The following NEK9 variants were observed in gnomAD, a reference collection of about 807,000 sequenced individuals.
NEK9 encodes NIMA related kinase 9.
In NEK9, 75 loss-of-function variants were observed where a neutral mutation model predicts 123.4. The observed-to-expected ratio is 0.61, with a 90% CI of 0.50 to 0.74. The LOEUF is 0.74. Among genes scored for constraint, NEK9 ranks in the 30% least tolerant of loss-of-function variants. The pLI is 0.00. For synonymous variants in NEK9, 438 were observed against 458.7 expected (o/e 0.95, Z 0.58); for missense variants, 952 against 1,214.4 (o/e 0.78, Z 3.21).
chr14:75,112,423 G>A (rs1894986995), intron 8 of NEK9, among the ~76,000 whole-genome samples: 1 of 152,160 alleles, frequency 6.6e-6, no homozygotes, highest in African/African-American at 2.4e-5. Flanking sequence ...ATAATCTCAG[G>A]AAATAACCTC....
At position 75,097,216 on chromosome 14, in the gene NEK9, G is replaced by C. The variant is rs761386364; in HGVS notation, c.2057C>G (p.Pro686Arg). The C allele has an allele frequency of 6.2e-6, 10 of 1,611,908 alleles. No individual in the cohort carries two copies. The change falls in exon 17 of 22, where the codon CCC becomes CGC. Residue 686 changes from proline to arginine, a missense_variant. Physicochemically the swap from Pro to Arg is moderately radical, Grantham distance 103. Coordinates refer to ENST00000238616, the MANE Select transcript of NEK9 (RefSeq NM_033116.6). ...ATCAGAGCCATGTGGTCTCTCTGTGGGGGTCATTGCCAGGCGGCCATTACC... is the reference window on the plus strand; with the variant it reads ...ATCAGAGCCATGTGGTCTCTCTGTGCGGGTCATTGCCAGGCGGCCATTACC... ...NGGNGRLAMT[P>R]TERPHGSDIC...
At chr14:75,103,312 A>G (rs936504550) in intron 14 of NEK9, among the ~76,000 whole-genome samples, 1 of 152,242 alleles carries the variant, frequency 6.6e-6, no homozygotes, top group Non-Finnish European at 1.5e-5. Flanking sequence ...GGAGAAATCT[A>G]AAAAACTCCA....
At chr14:75,123,023 A>G (rs911887694) in intron 2 of NEK9, among the ~76,000 whole-genome samples, 1 of 151,828 alleles carries the variant, frequency 6.6e-6, no homozygotes, top group Non-Finnish European at 1.5e-5. Context: ...TCAAACTCCT[A>G]TGCTCAAGTG....
At chr14:75,102,513 G>GTT (rs35499335) in intron 14 of NEK9, among the ~76,000 whole-genome samples, 76 of 146,150 alleles carry the variant, frequency 5.2e-4, no homozygotes, top group South Asian at 1.5e-3. Context: ...ACACCTGGCT[G>GTT]TTTTTTTTTT....
At chr14:75,091,134 T>C (rs1894201244) in intron 19 of NEK9, 136 bp downstream of exon 19, 2 of 629,562 alleles carry the variant, frequency 3.2e-6, no homozygotes, top group Non-Finnish European at 5.1e-6. Flanking sequence ...TCTTTCCAGG[T>C]AGAAATCAGA....
chr14:75,107,181 A>G (rs1481033660), intron 11 of NEK9, among the ~76,000 whole-genome samples, 162 bp downstream of exon 11: 1 of 151,968 alleles, frequency 6.6e-6, no homozygotes, highest in African/African-American at 2.4e-5. Context: ...CCCTAATACT[A>G]TAGCAAATTT....
intron 5 of NEK9, among the ~76,000 whole-genome samples, chr14:75,117,790 A>G (rs1895190561): frequency 2.0e-5 from 3 of 152,262 alleles, no homozygotes; most frequent in Admixed American, 1.3e-4. Context: ...CATCTGTTAT[A>G]CTAACACAGC....
chr14:75,106,457 G>C, intron 12 of NEK9, 45 bp downstream of exon 12: 1 of 1,599,494 alleles, frequency 6.3e-7, no homozygotes, highest in African/African-American at 1.3e-5. Context: ...TTGAAGTCAG[G>C]TTGTATACCT....
chr14:75,116,607 G>A (rs976887513), intron 6 of NEK9: 7 of 220,820 alleles, frequency 3.2e-5, no homozygotes, highest in South Asian at 2.9e-4. Flanking sequence ...GCTTTTAAGA[G>A]ATGAACTTTT....
At chr14:75,092,103 C>T (rs1262835058) in intron 18 of NEK9, among the ~76,000 whole-genome samples, 1 of 151,828 alleles carries the variant, frequency 6.6e-6, no homozygotes, top group Non-Finnish European at 1.5e-5. Context: ...TCTCAGCCTC[C>T]CGAGTAGCTG....
chr14:75,106,361 G>GA (rs34426692), intron 12 of NEK9, 141 bp downstream of exon 12: 21,905 of 292,182 alleles, frequency 0.075, 2 homozygotes, highest in East Asian at 0.12. Context: ...TCTGTCTCGA[G>GA]AAAAAAAAAA....
At position 75,087,222 on chromosome 14, in the gene NEK9, C is replaced by A; in HGVS notation, c.2613G>T (p.Arg871=). Reference sequence around the variant, plus strand: ...CAGCACAGGTTACTGCAGGATTCAGCCGAGGTGACTAGAGAGACAAGAAGG... The same window carrying A: ...CAGCACAGGTTACTGCAGGATTCAGACGAGGTGACTAGAGAGACAAGAAGG... The part of the protein sequence containing the change: ...HKPQVEASSP[R]LNPAVTCAGK... Residue 871 remains arginine, a synonymous_variant, in exon 21 of 22, where the codon CGG becomes CGT. Transcript: ENST00000238616. The A allele has an allele frequency of 6.2e-7, 1 of 1,608,944 alleles. No homozygotes were observed. The highest frequency in any genetic ancestry group is 8.5e-7 in the Non-Finnish European group (1 of 1,175,754).
At chr14:75,099,143 T>C (rs748537105) in intron 16 of NEK9, among the ~76,000 whole-genome samples, 9 of 151,884 alleles carry the variant, frequency 5.9e-5, no homozygotes, top group Non-Finnish European at 1.0e-4. Context: ...AACAAAAAAG[T>C]TGATGAGTCA....
Position 75,088,531 on chromosome 14 carries a change from G to T in NEK9, c.2553C>A (p.Leu851=). The T allele has an allele frequency of 6.2e-7, 1 of 1,614,106 alleles. No homozygotes were observed. The highest frequency in any genetic ancestry group is 1.1e-5 in the South Asian group (1 of 91,066). The part of the protein sequence containing the change: ...DTLPYEELQG[L]KVASEAPLEH... The stretch of plus-strand genomic sequence containing the variant: ...CCAAAGGAGCTTCAGAGGCCACTTT[G>T]AGTCCTTGCAGCTCTTCATAGGGCA... Residue 851 remains leucine, a synonymous_variant, in exon 20 of 22, where the codon CTC becomes CTA. Coordinates refer to ENST00000238616, the MANE Select transcript of NEK9 (RefSeq NM_033116.6).
intron 4 of NEK9, 143 bp from the exon 5 acceptor site, chr14:75,119,078 G>C (rs1895237639): frequency 1.7e-6 from 1 of 604,900 alleles, no homozygotes; most frequent in Non-Finnish European, 2.9e-6. Context: ...CACTTTGGGA[G>C]GGCAAGGCAG....
At chr14:75,115,062 CGTGT>C (rs58677851) in intron 6 of NEK9, among the ~76,000 whole-genome samples, 2 of 142,594 alleles carry the variant, frequency 1.4e-5, no homozygotes, top group East Asian at 4.5e-4. Flanking sequence ...TGTACACACA[CGTGT>C]GTGCACATAT....
intron 7 of NEK9, 85 bp downstream of exon 7, chr14:75,114,118 T>A: frequency 1.1e-6 from 1 of 926,532 alleles, no homozygotes; most frequent in Non-Finnish European, 1.7e-6. Context: ...TGTGGTTTTG[T>A]ATGGTTTATA....
In NEK9 at chr14:75,087,026, C is replaced by T. The variant is rs752566495; in HGVS notation, c.2809G>A (p.Gly937Arg). 4.3e-6 allele frequency: 7 copies of T among 1,614,088 alleles called. No individual in the cohort carries two copies. Among genetic ancestry groups the T allele is most frequent in the Non-Finnish European group, 5.1e-6 (6 of 1,179,896 alleles). The change falls in exon 21 of 22, where the codon GGG becomes AGG. Residue 937 changes from glycine (G) to arginine (R), a missense_variant. By Grantham distance (125) the Gly-to-Arg change is moderately radical. Around this residue, in one of 4 missense-constraint regions of NEK9, gnomAD observed 698 missense variants for 875.6 expected, o/e 0.80. Transcript: ENST00000238616. ...LQKLNKKLEG[G>R]QQVGMHSKGT... Reference sequence around the variant, plus strand: ...TCTTTTAATGCTCTCACCTGCTGCCCTCCTTCTAATTTCTTGTTCAACTTC... The same window carrying T: ...TCTTTTAATGCTCTCACCTGCTGCCTTCCTTCTAATTTCTTGTTCAACTTC...
At chr14:75,092,563 G>T (rs906890111) in intron 18 of NEK9, among the ~76,000 whole-genome samples, 4 of 152,158 alleles carry the variant, frequency 2.6e-5, no homozygotes, top group African/African-American at 7.2e-5. Context: ...CACTGCGCCC[G>T]GCCAATTCTT....
Sources: gnomAD v4.1 joint callset for allele counts (sites outside exome capture counted in the v4.1 genomes callset) on GRCh38, gnomAD v4.1.1 for gene constraint, gnomAD v4.1.1 regional missense constraint, MANE v1.5 for transcripts, NCBI Gene and HGNC (gene_info 2026-07-23, HGNC 2026-07-21) for gene names.